SLC25A48: variants seen among roughly 807,000 people sequenced by gnomAD.
SLC25A48 encodes the protein CTC-321K16.1.
A neutral mutation model predicts 32.2 loss-of-function variants in SLC25A48; 29 were observed. That is an observed-to-expected ratio of 0.90 (90% CI 0.67 to 1.23). The LOEUF (loss-of-function observed/expected upper bound fraction) is 1.23. Among genes scored for constraint, SLC25A48 ranks in the 50% most tolerant of loss-of-function variants. The probability of loss-of-function intolerance (pLI) is 0.00; values close to 1 mark genes in which losing one functional copy is unlikely to be tolerated. For missense variants in SLC25A48, 399 were observed against 422.7 expected, an observed-to-expected ratio of 0.94 and a Z score of 0.49; for synonymous variants, 164 against 172.3, an observed-to-expected ratio of 0.95 and a Z score of 0.38.
intron 3 of SLC25A48, among the ~76,000 whole-genome samples, chr5:135,688,314 CT>C (rs201148921): frequency 4.3e-4 from 63 of 147,994 alleles, no homozygotes; most frequent in Middle Eastern, 3.5e-3. Flanking sequence ...TTCTCTCAGG[CT>C]TTTTTTTTTA....
intron 1 of SLC25A48, among the ~76,000 whole-genome samples, chr5:135,606,542 C>T (rs974322133): frequency 1.3e-5 from 2 of 152,202 alleles, no homozygotes; most frequent in African/African-American, 4.8e-5. Flanking sequence ...ATTGTCGGGT[C>T]TGTTTCACAG....
chr5:135,853,562 C>G (rs897585966), intron 4 of SLC25A48, among the ~76,000 whole-genome samples: 2 of 152,216 alleles, frequency 1.3e-5, no homozygotes, highest in African/African-American at 4.8e-5. Flanking sequence ...AGTAACTCTT[C>G]ATCCGTTAAA....
At chr5:135,793,188 G>A (rs1351249002) in intron 3 of SLC25A48, among the ~76,000 whole-genome samples, 1 of 151,112 alleles carries the variant, frequency 6.6e-6, no homozygotes. Context: ...TATTACACTG[G>A]GTGTACACCA....
intron 1 of SLC25A48, among the ~76,000 whole-genome samples, chr5:135,835,652 G>A (rs1366445740): frequency 4.2e-5 from 6 of 144,152 alleles, no homozygotes; most frequent in Admixed American, 6.9e-5. Context: ...TAGGAAAGGG[G>A]GAAGTTTGAG....
At chr5:135,779,522 A>ACACGCACTC (rs1326006136) in intron 3 of SLC25A48, among the ~76,000 whole-genome samples, 7 of 120,872 alleles carry the variant, frequency 5.8e-5, no homozygotes, top group Admixed American at 8.2e-5. Flanking sequence ...GGGGGTGTAC[A>ACACGCACTC]TGCCCCCCTG....
At chr5:135,615,808 G>A (rs1389850825) in intron 1 of SLC25A48, among the ~76,000 whole-genome samples, 1 of 152,220 alleles carries the variant, frequency 6.6e-6, no homozygotes, top group Admixed American at 6.5e-5. Flanking sequence ...AGACCTTTGA[G>A]GCAGCCCCTC....
chr5:135,847,998 G>T (rs1430591871), intron 2 of SLC25A48, among the ~76,000 whole-genome samples: 1 of 152,186 alleles, frequency 6.6e-6, no homozygotes, highest in Non-Finnish European at 1.5e-5. Context: ...GATTTAGTGA[G>T]GTCAATTTTA....
At chr5:135,726,308 G>A (rs531396345) in intron 3 of SLC25A48, among the ~76,000 whole-genome samples, 2 of 152,278 alleles carry the variant, frequency 1.3e-5, no homozygotes, top group African/African-American at 2.4e-5. Flanking sequence ...CAGAATCTAC[G>A]TACCCTTTAC....
intron 1 of SLC25A48, among the ~76,000 whole-genome samples, chr5:135,840,100 T>C (rs1207192036): frequency 1.3e-5 from 2 of 152,224 alleles, no homozygotes; most frequent in Non-Finnish European, 2.9e-5. Context: ...TGTACAGGTC[T>C]TTTGAGTGTG....
chr5:135,870,437 A>G (rs890048369), intron 4 of SLC25A48, among the ~76,000 whole-genome samples: 8 of 152,204 alleles, frequency 5.3e-5, no homozygotes, highest in Non-Finnish European at 1.2e-4. Context: ...GATGGGTAGC[A>G]AATGAGAGAG....
intron 1 of SLC25A48, among the ~76,000 whole-genome samples, chr5:135,610,519 T>C (rs1024344693): frequency 2.0e-5 from 3 of 152,210 alleles, no homozygotes; most frequent in African/African-American, 4.8e-5. Flanking sequence ...TCCAGGGTAG[T>C]GAAGACATTG....
rs1309875009 is a variant in SLC25A48, at chr5:135,784,233, GGAT to G, written c.-520-28286_-520-28284del. ...GTTTTCTTCTATCCAGGGAGAAAGA[GGAT>G]GATATTACTCCCAATAGCGCAGAGA... On this transcript the variant is annotated intron_variant, in intron 3 of 10. Coordinates refer to the SLC25A48 transcript ENST00000646290. Among the ~76,000 whole-genome samples, 3 of 93,482 alleles carry G rather than the reference GGAT, an allele frequency of 3.2e-5. 1 individual carries two copies. The highest frequency in any genetic ancestry group is 5.8e-5 in the African/African-American group (2 of 34,680). 61.3% of individuals were successfully genotyped at this position (93,482 alleles called of 152,430 possible).
At chr5:135,782,807 TG>T (rs1756746014) in intron 3 of SLC25A48, among the ~76,000 whole-genome samples, 1 of 119,120 alleles carries the variant, frequency 8.4e-6, no homozygotes, top group African/African-American at 2.6e-5. Context: ...ACGCCTCCCC[TG>T]TGATATTATT....
chr5:135,788,171 G>GA (rs956081150), intron 3 of SLC25A48, among the ~76,000 whole-genome samples: 4 of 150,588 alleles, frequency 2.7e-5, no homozygotes, highest in East Asian at 2.0e-4. Context: ...GGGGTGGGGG[G>GA]AAGGGTGTTA....
chr5:135,582,504 G>A (rs1441627757), intron 1 of SLC25A48, among the ~76,000 whole-genome samples: 1 of 152,104 alleles, frequency 6.6e-6, no homozygotes, highest in Admixed American at 6.5e-5. Context: ...GGATGGAAAG[G>A]AATTAACCAG....
At chr5:135,844,209 T>A (rs1397840066) in intron 2 of SLC25A48, among the ~76,000 whole-genome samples, 1 of 152,224 alleles carries the variant, frequency 6.6e-6, no homozygotes, top group Non-Finnish European at 1.5e-5. Context: ...AGCACGGGGC[T>A]GGGCACAGCC....
At chr5:135,655,112 C>A (rs1753211693) in intron 3 of SLC25A48, among the ~76,000 whole-genome samples, 1 of 152,042 alleles carries the variant, frequency 6.6e-6, no homozygotes, top group Admixed American at 6.6e-5. Context: ...TGTTGGGAGA[C>A]AAAGCGGGAA....
At chr5:135,885,376 G>C (rs1762678369) in intron 7 of SLC25A48, among the ~76,000 whole-genome samples, 1 of 152,120 alleles carries the variant, frequency 6.6e-6, no homozygotes, top group African/African-American at 2.4e-5. Flanking sequence ...AGGCTTCCCT[G>C]CCTCTATGCT....
chr5:135,791,857 C>G (rs1354279290), intron 3 of SLC25A48, among the ~76,000 whole-genome samples: 1 of 151,562 alleles, frequency 6.6e-6, no homozygotes, highest in Non-Finnish European at 1.5e-5. Context: ...TCACAATTTT[C>G]TAGAGGTTTG....
Sources: gnomAD v4.1 joint callset for allele counts (sites outside exome capture counted in the v4.1 genomes callset) on GRCh38, gnomAD v4.1.1 for gene constraint, MANE v1.5 for transcripts, NCBI Gene and HGNC (gene_info 2026-07-23, HGNC 2026-07-21) for gene names.